ANTXR1: variants seen among roughly 807,000 people sequenced by gnomAD.
The protein encoded by ANTXR1 is anthrax toxin receptor 1.
ANTXR1 carries 19 observed loss-of-function variants against 78.1 expected under a neutral mutation model. That is an observed-to-expected ratio of 0.24 (90% CI 0.17 to 0.36). The LOEUF is 0.36. Among genes scored for constraint, ANTXR1 ranks in the 10% least tolerant of loss-of-function variants. ANTXR1 has a pLI of 1.00. For missense variants in ANTXR1, 518 were observed against 718.6 expected (o/e 0.72, Z 3.19); for synonymous variants, 273 against 260.5 (o/e 1.05, Z -0.46).
chr2:69,069,413 A>AG (rs769813737), intron 3 of ANTXR1, among the ~76,000 whole-genome samples: 118 of 152,304 alleles, frequency 7.7e-4, no homozygotes, highest in Non-Finnish European at 1.4e-3. Flanking sequence ...AGCTGTCATA[A>AG]GGCTTAAGTG....
At chr2:69,091,705 T>C (rs949750591) in intron 9 of ANTXR1, among the ~76,000 whole-genome samples, 1 of 152,216 alleles carries the variant, frequency 6.6e-6, no homozygotes, top group African/African-American at 2.4e-5. Flanking sequence ...AATATATTTA[T>C]CTTAATTGTT....
intron 1 of ANTXR1, among the ~76,000 whole-genome samples, chr2:69,032,785 C>T (rs996969917): frequency 2.0e-5 from 3 of 151,808 alleles, no homozygotes; most frequent in South Asian, 2.1e-4. Context: ...ATGTGCCTGT[C>T]GAAAAAGGCA....
intron 8 of ANTXR1, 90 bp from the exon 9 acceptor site, chr2:69,090,769 T>C: frequency 2.3e-6 from 3 of 1,332,652 alleles, no homozygotes; most frequent in Non-Finnish European, 3.2e-6. Context: ...AACCTTCCTA[T>C]CTCTATCTCA....
At chr2:69,032,449 G>A (rs1671556278) in intron 1 of ANTXR1, among the ~76,000 whole-genome samples, 1 of 151,350 alleles carries the variant, frequency 6.6e-6, no homozygotes, top group African/African-American at 2.4e-5. Flanking sequence ...CTCTCCCTTG[G>A]TGCCCTCATT....
Position 69,013,206 on chromosome 2 carries a change from G to C in ANTXR1, c.-294G>C. On this transcript the variant is annotated 5_prime_UTR_variant, in exon 1 of 18. Coordinates refer to ENST00000303714, the MANE Select transcript of ANTXR1 (RefSeq NM_032208.3). The surrounding 1 kb of genome is among the most constrained non-coding windows in gnomAD (Gnocchi z 5.0). The stretch of plus-strand genomic sequence containing the variant: ...GGAACTCCTTCCATTGCAAAAGCTC[G>C]GCGCGGCCTCGGGAGCTGCCCGGCG... The C allele has an allele frequency of 2.1e-6, 1 of 471,484 alleles. No homozygotes were observed. The highest frequency in any genetic ancestry group is 3.8e-6 in the Non-Finnish European group (1 of 261,716). The allele number at this position is 471,484 out of a possible 1,614,324, so 29.2% of individuals were successfully genotyped here.
intron 3 of ANTXR1, among the ~76,000 whole-genome samples, chr2:69,069,988 C>A (rs1001006575): frequency 1.3e-5 from 2 of 152,216 alleles, no homozygotes; most frequent in African/African-American, 4.8e-5. Flanking sequence ...AGACTTCTTA[C>A]ATCCCAGAGA....
intron 17 of ANTXR1, among the ~76,000 whole-genome samples, chr2:69,212,774 C>T (rs1287447533): frequency 1.3e-5 from 2 of 151,940 alleles, no homozygotes; most frequent in Non-Finnish European, 2.9e-5. Flanking sequence ...ACCTCTGCCT[C>T]CCAAGTAGCT....
intron 17 of ANTXR1, among the ~76,000 whole-genome samples, chr2:69,220,792 T>C (rs1007647941): frequency 6.6e-6 from 1 of 152,170 alleles, no homozygotes; most frequent in Admixed American, 6.5e-5. Context: ...TAGCTAACTA[T>C]GAAACTAAAG....
intron 6 of ANTXR1, among the ~76,000 whole-genome samples, chr2:69,073,467 A>T (rs1350757282): frequency 6.6e-6 from 1 of 152,238 alleles, no homozygotes; most frequent in East Asian, 1.9e-4. Flanking sequence ...CTAAAACAGG[A>T]GGAAGGGAAA....
chr2:69,039,220 C>T (rs958325013), intron 1 of ANTXR1, among the ~76,000 whole-genome samples: 20 of 152,060 alleles, frequency 1.3e-4, no homozygotes, highest in Admixed American at 1.2e-3. Context: ...AAAAACTAAT[C>T]GGAGCCATTG....
chr2:69,013,796 G>C lies in ANTXR1; in HGVS notation c.152+145G>C. ...GGACCGCGCGGCAGGCGGCGGCGGAGTGCTGCGCCTTTGTTGGGGCGCGCT... is the reference window on the plus strand; with the variant it reads ...GGACCGCGCGGCAGGCGGCGGCGGACTGCTGCGCCTTTGTTGGGGCGCGCT... On this transcript the variant is annotated intron_variant, in intron 1 of 17. Transcript: ENST00000303714. The surrounding 1 kb of genome is among the most constrained non-coding windows in gnomAD (Gnocchi z 5.0). 3 of 1,395,414 alleles carry C rather than the reference G, an allele frequency of 2.1e-6. No homozygotes were observed. Among genetic ancestry groups the C allele is most frequent in the Non-Finnish European group, 3.0e-6 (3 of 1,012,822 alleles). 86.4% of individuals were successfully genotyped at this position (1,395,414 alleles called of 1,614,324 possible). A position where few individuals can be genotyped will look rare whatever the true frequency, so the allele number is the denominator to read the frequency against.
chr2:69,133,754 T>C (rs1158454319), intron 12 of ANTXR1, among the ~76,000 whole-genome samples: 1 of 152,196 alleles, frequency 6.6e-6, no homozygotes, highest in East Asian at 1.9e-4. Context: ...AGCCTCATAC[T>C]CAGCCCTTGA....
chr2:69,141,494 G>C (rs957981436), intron 12 of ANTXR1, among the ~76,000 whole-genome samples: 1 of 151,816 alleles, frequency 6.6e-6, no homozygotes. Flanking sequence ...TCCAGTGTGC[G>C]CAAGTCAACA....
intron 8 of ANTXR1, among the ~76,000 whole-genome samples, chr2:69,085,818 T>C (rs1172570413): frequency 6.6e-6 from 1 of 152,198 alleles, no homozygotes; most frequent in African/African-American, 2.4e-5. Context: ...TCACCAGCAC[T>C]TAGGTGGCAG....
intron 1 of ANTXR1, among the ~76,000 whole-genome samples, chr2:69,018,233 C>T (rs549721316): frequency 6.6e-5 from 10 of 152,250 alleles, no homozygotes; most frequent in African/African-American, 2.2e-4. Flanking sequence ...GCTCCTTCCC[C>T]GTAAGACCTC....
At chr2:69,195,790 T>C (rs2104479045) in intron 17 of ANTXR1, among the ~76,000 whole-genome samples, 1 of 152,340 alleles carries the variant, frequency 6.6e-6, no homozygotes, top group East Asian at 1.9e-4. Flanking sequence ...ATAAGATCCC[T>C]AAACTAAGGT....
Position 69,117,884 on chromosome 2 carries a change from T to C in ANTXR1, c.803-5133T>C, listed in dbSNP as rs1672202235. Among the ~76,000 whole-genome samples the C allele has an allele frequency of 3.3e-5, 5 of 152,144 alleles. No individual in the cohort carries two copies. The South Asian group carries it at 1.0e-3, about 32-fold the overall frequency. ...ATCTGAAATATCCTCTGCCCCTCTC[T>C]GTCCCCTCGGTATGCAGCTTGAGGG... On this transcript the variant is annotated intron_variant, in intron 10 of 17. Coordinates refer to ENST00000303714, the MANE Select transcript of ANTXR1 (RefSeq NM_032208.3).
intron 1 of ANTXR1, among the ~76,000 whole-genome samples, chr2:69,017,384 G>A (rs1671055223): frequency 6.6e-6 from 1 of 152,116 alleles, no homozygotes; most frequent in African/African-American, 2.4e-5. Context: ...CTGAAACCGA[G>A]GGATCATAGG....
chr2:69,048,026 C>T (rs565374738), intron 3 of ANTXR1, among the ~76,000 whole-genome samples: 2 of 152,162 alleles, frequency 1.3e-5, no homozygotes, highest in South Asian at 4.2e-4. Flanking sequence ...AGGTCACTTC[C>T]TTAGTATAAT....
Sources: allele counts gnomAD v4.1 joint callset (sites outside exome capture counted in the v4.1 genomes callset), GRCh38; gene constraint gnomAD v4.1.1; non-coding constraint Gnocchi (gnomAD v3.1); transcripts MANE v1.5; gene names NCBI Gene and HGNC (gene_info 2026-07-23, HGNC 2026-07-21).